ACOT9: variants seen among roughly 807,000 people sequenced by gnomAD.
The protein encoded by ACOT9 is acyl-CoA thioesterase 9.
In ACOT9, 34 loss-of-function variants were observed where a neutral mutation model predicts 39.7. That is an observed-to-expected ratio of 0.86 (90% CI 0.65 to 1.14). ACOT9 has a LOEUF of 1.14. ACOT9 is among the 50% of genes most tolerant of loss of function. The pLI is 0.00. For missense variants in ACOT9, 313 were observed against 344.1 expected (o/e 0.91, Z 0.71); for synonymous variants, 110 against 120.5 (o/e 0.91, Z 0.57).
chrX:23,719,996 G>A (rs1022764420), intron 8 of ACOT9, among the ~76,000 whole-genome samples: 14 of 102,593 alleles, frequency 1.4e-4, no homozygotes, highest in African/African-American at 3.0e-4. Flanking sequence ...CACCACGCCC[G>A]GCTAATTTTT....
intron 6 of ACOT9, among the ~76,000 whole-genome samples, chrX:23,726,244 A>T (rs1205317361): frequency 1.8e-5 from 2 of 112,089 alleles, no homozygotes; most frequent in Non-Finnish European, 3.8e-5. Flanking sequence ...AATTCAAAAA[A>T]TAATCAGTTT....
rs1039277387 is a variant in ACOT9, at chrX:23,701,796, G to C, written c.*2098C>G. Among the ~76,000 whole-genome samples, 1 of 111,320 alleles carries C rather than the reference G, an allele frequency of 9.0e-6. No homozygotes were observed. Among genetic ancestry groups the C allele is most frequent in the African/African-American group, 3.3e-5 (1 of 30,702 alleles). ...TTGTTAAAAATGCTTTCCACCGGCC[G>C]GGTGCAGTGGCTCATGCCTATAATC... On this transcript the variant is annotated 3_prime_UTR_variant, in exon 16 of 16. Transcript: ENST00000379303.
Position 23,701,659 on chromosome X carries a change from A to G in ACOT9, c.*2235T>C, listed in dbSNP as rs1197192083. ...GATAATTTTTTAACTTTTTGTAGAGAAAGGGTCTCACTATGTTTCCCAGGC... is the reference window on the plus strand; with the variant it reads ...GATAATTTTTTAACTTTTTGTAGAGGAAGGGTCTCACTATGTTTCCCAGGC... On this transcript the variant is annotated 3_prime_UTR_variant, in exon 16 of 16. Coordinates refer to ENST00000379303, the MANE Select transcript of ACOT9 (RefSeq NM_001037171.2). Among the ~76,000 whole-genome samples the G allele has an allele frequency of 1.8e-5, 2 of 111,123 alleles. No homozygotes were observed. Among genetic ancestry groups the G allele is most frequent in the African/African-American group, 6.5e-5 (2 of 30,649 alleles).
At chrX:23,711,500 G>A (rs750122488) in intron 9 of ACOT9, among the ~76,000 whole-genome samples, 1 of 112,121 alleles carries the variant, frequency 8.9e-6, no homozygotes, top group Non-Finnish European at 1.9e-5. Context: ...AAACCCAATC[G>A]CCCTAGTTGT....
At chrX:23,743,082 C>G (rs1920997755) in intron 1 of ACOT9, 43 bp downstream of exon 1, 3 of 1,128,502 alleles carry the variant, frequency 2.7e-6, no homozygotes, top group Non-Finnish European at 3.5e-6. Context: ...GATGGCACCC[C>G]AGGCTACCGC....
At chrX:23,738,805 T>C (rs1930033250) in intron 1 of ACOT9, among the ~76,000 whole-genome samples, 1 of 112,039 alleles carries the variant, frequency 8.9e-6, no homozygotes, top group Non-Finnish European at 1.9e-5. Flanking sequence ...CTAAATACCC[T>C]GAATACGCAT....
intron 9 of ACOT9, among the ~76,000 whole-genome samples, chrX:23,708,538 GAAAA>G (rs567506307): frequency 1.4e-5 from 1 of 70,853 alleles, no homozygotes; most frequent in Non-Finnish European, 2.5e-5. Context: ...CTCAAAAAAA[GAAAA>G]AAAAAAAAAA....
intron 1 of ACOT9, among the ~76,000 whole-genome samples, chrX:23,741,013 C>T (rs1430888835): frequency 2.8e-5 from 3 of 108,815 alleles, no homozygotes; most frequent in Admixed American, 2.0e-4. Context: ...GGAGATATAC[C>T]TAATGCTAAA....
intron 8 of ACOT9, among the ~76,000 whole-genome samples, chrX:23,719,674 T>G (rs1929227594): frequency 9.0e-6 from 1 of 110,999 alleles, no homozygotes; most frequent in Non-Finnish European, 1.9e-5. Context: ...CAGCTCACGA[T>G]AGGGTTCGTG....
At chrX:23,704,372 G>A (rs2146810097) in intron 15 of ACOT9, among the ~76,000 whole-genome samples, 2 of 102,495 alleles carry the variant, frequency 2.0e-5, no homozygotes, top group Non-Finnish European at 4.0e-5. Context: ...AGTAGAGACG[G>A]GGTTTCACCG....
At chrX:23,736,705 G>C (rs1343541673) in intron 1 of ACOT9, among the ~76,000 whole-genome samples, 1 of 110,528 alleles carries the variant, frequency 9.0e-6, no homozygotes, top group East Asian at 2.9e-4. Context: ...TGTGGTCCCA[G>C]CTACTCAAGA....
At chrX:23,707,743 A>C (rs1161739178) in intron 10 of ACOT9, 134 bp downstream of exon 10, 1 of 464,271 alleles carries the variant, frequency 2.2e-6, no homozygotes, top group Non-Finnish European at 3.4e-6. Flanking sequence ...ATTTCAAAAA[A>C]AACAAACAAA....
intron 6 of ACOT9, among the ~76,000 whole-genome samples, chrX:23,726,403 G>A (rs1929523249): frequency 9.1e-6 from 1 of 110,180 alleles, no homozygotes; most frequent in Non-Finnish European, 1.9e-5. Context: ...GACGATATAA[G>A]AAGCCACAAA....
chrX:23,722,866 C>T, intron 6 of ACOT9, 113 bp from the exon 7 acceptor site: 1 of 437,070 alleles, frequency 2.3e-6, no homozygotes, highest in Admixed American at 4.0e-5. Flanking sequence ...AAGATCCAGC[C>T]CCTAATATTC....
intron 6 of ACOT9, among the ~76,000 whole-genome samples, chrX:23,723,089 A>G (rs1193295411): frequency 1.8e-5 from 2 of 111,363 alleles, no homozygotes; most frequent in Non-Finnish European, 3.8e-5. Flanking sequence ...AGTATCAAAC[A>G]TCTTCAGGAA....
Position 23,707,686 on chromosome X carries a change from G to A in ACOT9, c.730+191C>T, listed in dbSNP as rs1249176682. On this transcript the variant is annotated intron_variant, in intron 10 of 15. Coordinates refer to ENST00000379303, the MANE Select transcript of ACOT9 (RefSeq NM_001037171.2). ...CAGGAGGCAGAGGTTGCAGTGAGCCGAGATGGCACCACTGCACTCCAGCCT... is the reference window on the plus strand; with the variant it reads ...CAGGAGGCAGAGGTTGCAGTGAGCCAAGATGGCACCACTGCACTCCAGCCT... 4 of 299,108 alleles carry A rather than the reference G, an allele frequency of 1.3e-5. No homozygotes were observed. In the South Asian group the frequency reaches 2.6e-4, roughly 19 times the overall value. 24.6% of individuals were successfully genotyped at this position (299,108 alleles called of 1,213,427 possible).
At position 23,704,094 on chromosome X, in the gene ACOT9, T is replaced by C; in HGVS notation, c.1259-112A>G. ...AACACTGGGACAGAACAAGATACACTGTTGGGCCGGGGTGTGCCACATTCC... is the reference window on the plus strand; with the variant it reads ...AACACTGGGACAGAACAAGATACACCGTTGGGCCGGGGTGTGCCACATTCC... On this transcript the variant is annotated intron_variant, in intron 15 of 15. Transcript: ENST00000379303. 5 of 588,652 alleles carry C rather than the reference T, an allele frequency of 8.5e-6. No homozygotes were observed. In the South Asian group the frequency reaches 1.1e-4, roughly 13 times the overall value. The allele number at this position is 588,652 out of a possible 1,213,427, so 48.5% of individuals were successfully genotyped here.
At chrX:23,711,949 A>G (rs1425881218) in intron 9 of ACOT9, among the ~76,000 whole-genome samples, 1 of 112,111 alleles carries the variant, frequency 8.9e-6, no homozygotes, top group Non-Finnish European at 1.9e-5. Context: ...ATAGAGAAAC[A>G]AGATCAAAAA....
chrX:23,712,812 G>T (rs1234928423), intron 9 of ACOT9, among the ~76,000 whole-genome samples: 1 of 112,350 alleles, frequency 8.9e-6, no homozygotes, highest in Non-Finnish European at 1.9e-5. Flanking sequence ...GTAGAGATGG[G>T]GTTTCACCAT....
Sources: allele counts gnomAD v4.1 joint callset (sites outside exome capture counted in the v4.1 genomes callset), GRCh38; gene constraint gnomAD v4.1.1; transcripts MANE v1.5; gene names NCBI Gene and HGNC (gene_info 2026-07-23, HGNC 2026-07-21).